Variants in FSTL5 observed in about 807,000 individuals in gnomAD.
FSTL5 encodes follistatin-related protein 5.
In FSTL5, 62 loss-of-function variants were observed where a neutral mutation model predicts 89.1. That is an observed-to-expected ratio of 0.70 (90% CI 0.57 to 0.86). The LOEUF is 0.86. FSTL5 is among the 40% of genes least tolerant of loss of function. FSTL5 has a pLI of 0.00. For synonymous variants in FSTL5, 383 were observed against 346.2 expected, an observed-to-expected ratio of 1.11 and a Z score of -1.18; for missense variants, 1,057 against 1,001.6, an observed-to-expected ratio of 1.06 and a Z score of -0.75.
intron 2 of FSTL5, among the ~76,000 whole-genome samples, chr4:162,088,477 TA>T (rs1730409881): frequency 6.6e-6 from 1 of 152,122 alleles, no homozygotes; most frequent in Non-Finnish European, 1.5e-5. Flanking sequence ...GCGACATTTT[TA>T]CTTCATCCTC....
chr4:161,935,240 G>A (rs1560924856), intron 3 of FSTL5, among the ~76,000 whole-genome samples: 1 of 152,040 alleles, frequency 6.6e-6, no homozygotes, highest in Non-Finnish European at 1.5e-5. Context: ...CAAGGCAGTA[G>A]GGAGAGAAAC....
chr4:162,128,981 G>A (rs1162765320), intron 1 of FSTL5, among the ~76,000 whole-genome samples: 4 of 150,048 alleles, frequency 2.7e-5, no homozygotes, highest in Non-Finnish European at 5.9e-5. Flanking sequence ...GAGCGCAGTG[G>A]CGCCATCTGG....
intron 1 of FSTL5, among the ~76,000 whole-genome samples, chr4:162,158,750 C>T (rs547746253): frequency 1.3e-5 from 2 of 152,080 alleles, no homozygotes; most frequent in African/African-American, 4.8e-5. Context: ...GCAAATGTTA[C>T]ATTACTTAAT....
At chr4:161,416,633 A>T (rs1405116903) in intron 15 of FSTL5, among the ~76,000 whole-genome samples, 1 of 152,156 alleles carries the variant, frequency 6.6e-6, no homozygotes, top group East Asian at 1.9e-4. Context: ...TCACAAGATC[A>T]GGAGATGGAG....
chr4:162,134,746 C>T (rs1732462182), intron 1 of FSTL5, among the ~76,000 whole-genome samples: 1 of 152,184 alleles, frequency 6.6e-6, no homozygotes, highest in Non-Finnish European at 1.5e-5. Flanking sequence ...GGCTGCTGAT[C>T]TCATTTTCCC....
intron 4 of FSTL5, among the ~76,000 whole-genome samples, chr4:161,882,145 A>G (rs2126911804): frequency 6.6e-6 from 1 of 152,196 alleles, no homozygotes; most frequent in South Asian, 2.1e-4. Flanking sequence ...TAATATATTA[A>G]AGCCCTTCTT....
intron 1 of FSTL5, among the ~76,000 whole-genome samples, chr4:162,159,622 A>G (rs1385547620): frequency 6.6e-6 from 1 of 152,002 alleles, no homozygotes; most frequent in Non-Finnish European, 1.5e-5. Context: ...GAATAAAAAT[A>G]TGTTATGCGC....
intron 9 of FSTL5, among the ~76,000 whole-genome samples, chr4:161,538,682 G>A (rs1026365269): frequency 1.3e-5 from 2 of 152,042 alleles, no homozygotes; most frequent in Admixed American, 1.3e-4. Context: ...TTAGTTTGCA[G>A]GTAAATGTAT....
chr4:162,117,890 G>C (rs1409927999), intron 1 of FSTL5, among the ~76,000 whole-genome samples: 1 of 148,152 alleles, frequency 6.7e-6, no homozygotes, highest in Non-Finnish European at 1.5e-5. Flanking sequence ...ATTTGAAATA[G>C]TAGGTACACA....
chr4:161,909,272 C>T (rs1172557586), intron 4 of FSTL5, among the ~76,000 whole-genome samples: 2 of 152,112 alleles, frequency 1.3e-5, no homozygotes, highest in East Asian at 1.9e-4. Flanking sequence ...GCGGACATAA[C>T]ATAATAATAC....
At chr4:161,422,791 T>C (rs1732035424) in intron 15 of FSTL5, among the ~76,000 whole-genome samples, 1 of 152,180 alleles carries the variant, frequency 6.6e-6, no homozygotes. Context: ...ACATTTCTTC[T>C]TTAGGAAAAG....
intron 1 of FSTL5, among the ~76,000 whole-genome samples, chr4:162,149,776 T>C (rs1004186455): frequency 6.6e-6 from 1 of 152,302 alleles, no homozygotes; most frequent in Admixed American, 6.5e-5. Flanking sequence ...CTGAAAAATA[T>C]TTTTGTTCCT....
At chr4:161,739,151 C>G (rs908005900) in intron 6 of FSTL5, among the ~76,000 whole-genome samples, 24 of 152,092 alleles carry the variant, frequency 1.6e-4, no homozygotes, top group African/African-American at 5.8e-4. Flanking sequence ...AGAATGTGTC[C>G]TTATTTAGAA....
intron 7 of FSTL5, among the ~76,000 whole-genome samples, chr4:161,645,658 G>A (rs970656715): frequency 7.2e-5 from 11 of 152,004 alleles, no homozygotes; most frequent in African/African-American, 2.2e-4. Flanking sequence ...CACGACCTGC[G>A]TTAGTTTTTT....
intron 3 of FSTL5, among the ~76,000 whole-genome samples, chr4:161,976,902 A>ATTGCAAC (rs1238363045): frequency 6.6e-6 from 1 of 152,208 alleles, no homozygotes; most frequent in East Asian, 1.9e-4. Flanking sequence ...AGTTTCTATG[A>ATTGCAAC]TTGAAACTTT....
chr4:161,398,690 G>A (rs1054903153), intron 15 of FSTL5, among the ~76,000 whole-genome samples: 1 of 152,046 alleles, frequency 6.6e-6, no homozygotes, highest in African/African-American at 2.4e-5. Flanking sequence ...TAATTTTAAA[G>A]AGTGCTCAAT....
chr4:162,063,010 C>A (rs149636770), intron 2 of FSTL5, among the ~76,000 whole-genome samples: 226 of 151,560 alleles, frequency 1.5e-3, no homozygotes, highest in African/African-American at 5.2e-3. Context: ...TTAAATTGTG[C>A]TTTTTTCCTT....
At chr4:161,721,234 C>T (rs1301711077) in intron 6 of FSTL5, among the ~76,000 whole-genome samples, 4 of 143,222 alleles carry the variant, frequency 2.8e-5, no homozygotes, top group South Asian at 4.4e-4. Flanking sequence ...GCCGAGATTG[C>T]GCCACTGCAG....
intron 2 of FSTL5, among the ~76,000 whole-genome samples, chr4:162,110,125 G>A (rs1431460299): frequency 6.6e-6 from 1 of 151,908 alleles, no homozygotes; most frequent in Admixed American, 6.6e-5. Context: ...TGACATTAAA[G>A]TATATTTTTA....
Sources: gnomAD v4.1 joint callset for allele counts (sites outside exome capture counted in the v4.1 genomes callset) on GRCh38, gnomAD v4.1.1 for gene constraint, MANE v1.5 for transcripts, NCBI Gene and HGNC (gene_info 2026-07-23, HGNC 2026-07-21) for gene names.